CDK6: variants seen among roughly 807,000 people sequenced by gnomAD.
The protein encoded by CDK6 is cyclin-dependent kinase 6.
In CDK6, 6 loss-of-function variants were observed where a neutral mutation model predicts 37.1. The observed-to-expected ratio is 0.16, with a 90% CI of 0.09 to 0.32. The LOEUF is 0.32. Among genes scored for constraint, CDK6 ranks in the 10% least tolerant of loss-of-function variants. The pLI, the probability that CDK6 is intolerant of heterozygous loss-of-function variation, is 1.00. For missense variants in CDK6, 224 were observed against 418.9 expected (o/e 0.53, Z 4.06); for synonymous variants, 160 against 161.3 (o/e 0.99, Z 0.06).
intron 3 of CDK6, among the ~76,000 whole-genome samples, chr7:92,769,006 G>A (rs1799648219): frequency 6.6e-6 from 1 of 152,096 alleles, no homozygotes; most frequent in Admixed American, 6.5e-5. Context: ...ATGTCAAACT[G>A]AGAAAGATGA....
At chr7:92,622,321 C>T (rs1281780337) in intron 6 of CDK6, among the ~76,000 whole-genome samples, 1 of 152,056 alleles carries the variant, frequency 6.6e-6, no homozygotes, top group Non-Finnish European at 1.5e-5. Flanking sequence ...AATTTGAGCA[C>T]AAGAAAGGAT....
chr7:92,690,483 T>G (rs1055019247), intron 4 of CDK6, among the ~76,000 whole-genome samples: 1 of 152,238 alleles, frequency 6.6e-6, no homozygotes, highest in Non-Finnish European at 1.5e-5. Flanking sequence ...TCTATGTGTC[T>G]GTTTTTGTAC....
At chr7:92,770,313 T>C (rs1584070847) in intron 3 of CDK6, among the ~76,000 whole-genome samples, 1 of 149,972 alleles carries the variant, frequency 6.7e-6, no homozygotes, top group Non-Finnish European at 1.5e-5. Flanking sequence ...GTGATTTCTA[T>C]GTATGCTTTT....
chr7:92,755,767 G>T (rs1799302136), intron 3 of CDK6, among the ~76,000 whole-genome samples: 1 of 152,086 alleles, frequency 6.6e-6, no homozygotes, highest in African/African-American at 2.4e-5. Flanking sequence ...AGGCAAAAGG[G>T]AACCACATGA....
intron 5 of CDK6, among the ~76,000 whole-genome samples, chr7:92,625,532 C>CA (rs67461662): frequency 0.22 from 30,622 of 139,902 alleles, 3,429 homozygotes; most frequent in Middle Eastern, 0.32. Context: ...TGCAGTTTTG[C>CA]AAAAAAAAAC....
At chr7:92,826,892 C>A (rs1463028544) in intron 2 of CDK6, among the ~76,000 whole-genome samples, 1 of 152,088 alleles carries the variant, frequency 6.6e-6, no homozygotes, top group African/African-American at 2.4e-5. Flanking sequence ...GTTATGGACA[C>A]CATGTTATTT....
At chr7:92,699,899 CCT>C (rs1797804392) in intron 4 of CDK6, among the ~76,000 whole-genome samples, 1 of 152,198 alleles carries the variant, frequency 6.6e-6, no homozygotes, top group East Asian at 1.9e-4. Flanking sequence ...CCTCTCCATG[CCT>C]CTGTTTCCTC....
chr7:92,740,470 A>G (rs775195767), intron 3 of CDK6, among the ~76,000 whole-genome samples: 2 of 152,220 alleles, frequency 1.3e-5, no homozygotes, highest in African/African-American at 2.4e-5. Context: ...TGCTCTGAGC[A>G]TAGTTCTGGC....
intron 3 of CDK6, among the ~76,000 whole-genome samples, chr7:92,728,225 G>A (rs140825705): frequency 3.2e-4 from 49 of 152,250 alleles, no homozygotes; most frequent in African/African-American, 9.1e-4. Flanking sequence ...ATCCAGAGAA[G>A]AAGAAAAATC....
At chr7:92,768,268 C>T (rs535791101) in intron 3 of CDK6, among the ~76,000 whole-genome samples, 16 of 152,220 alleles carry the variant, frequency 1.1e-4, no homozygotes, top group Non-Finnish European at 1.9e-4. Context: ...TGGGAAACCA[C>T]GTTCGCAAGT....
intron 3 of CDK6, among the ~76,000 whole-genome samples, chr7:92,743,420 T>G (rs1266966825): frequency 1.3e-5 from 2 of 149,164 alleles, no homozygotes; most frequent in Admixed American, 1.3e-4. Context: ...ATAAAAATAA[T>G]AATAAAAAAA....
intron 4 of CDK6, among the ~76,000 whole-genome samples, chr7:92,675,190 C>T (rs1458015807): frequency 1.3e-5 from 2 of 152,160 alleles, no homozygotes; most frequent in African/African-American, 2.4e-5. Context: ...GGCTGACTGT[C>T]TTCATTTTCA....
intron 3 of CDK6, among the ~76,000 whole-genome samples, chr7:92,770,419 A>AT (rs1158287436): frequency 8.7e-5 from 13 of 150,164 alleles, no homozygotes; most frequent in African/African-American, 2.9e-4. Flanking sequence ...CTCAATGAAA[A>AT]TTTTCAGTTC....
chr7:92,832,702 T>C (rs1489489205), intron 2 of CDK6, among the ~76,000 whole-genome samples: 1 of 152,102 alleles, frequency 6.6e-6, no homozygotes, highest in Non-Finnish European at 1.5e-5. Context: ...TTTCAAAAAT[T>C]CCCCAACGGC....
intron 4 of CDK6, among the ~76,000 whole-genome samples, 153 bp from the exon 5 acceptor site, chr7:92,671,688 A>G (rs962505254): frequency 3.9e-5 from 6 of 152,068 alleles, no homozygotes; most frequent in Admixed American, 2.0e-4. Context: ...GGTAAATAGG[A>G]CTCATCACTG....
intron 5 of CDK6, chr7:92,671,189 C>T: frequency 3.0e-6 from 1 of 337,422 alleles, no homozygotes; most frequent in Non-Finnish European, 5.3e-6. Flanking sequence ...CTTATAAGAA[C>T]AGTGGGGTAT....
At chr7:92,796,031 G>A (rs1244879241) in intron 2 of CDK6, among the ~76,000 whole-genome samples, 1 of 148,832 alleles carries the variant, frequency 6.7e-6, no homozygotes, top group Non-Finnish European at 1.5e-5. Flanking sequence ...TAAACACAGA[G>A]CAATGCTACC....
At chr7:92,655,376 T>C (rs969396924) in intron 5 of CDK6, among the ~76,000 whole-genome samples, 1 of 152,058 alleles carries the variant, frequency 6.6e-6, no homozygotes, top group African/African-American at 2.4e-5. Context: ...GGTACTAGGT[T>C]AGAGAAAAAA....
rs940362115 is a variant in CDK6 at position 92,611,874 on chromosome 7, T to A, written c.*3266A>T. 3.0e-5 allele frequency: 7 copies of A among 232,340 alleles called. No homozygotes were observed. The highest frequency in any genetic ancestry group is 5.1e-5 in the Non-Finnish European group (6 of 117,600). 14.4% of individuals were successfully genotyped at this position (232,340 alleles called of 1,614,324 possible). On this transcript the variant is annotated 3_prime_UTR_variant, in exon 8 of 8. Coordinates refer to ENST00000424848, the MANE Select transcript of CDK6 (RefSeq NM_001145306.2). ...AAAGTCTGCCATTCACAGTGTGTGC[T>A]TCCTGAGAGAAAATCATGAGAATAC...
Sources: allele counts gnomAD v4.1 joint callset (sites outside exome capture counted in the v4.1 genomes callset), GRCh38; gene constraint gnomAD v4.1.1; transcripts MANE v1.5; gene names NCBI Gene and HGNC (gene_info 2026-07-23, HGNC 2026-07-21).